EFCAB11: variants seen among roughly 807,000 people sequenced by gnomAD.
The protein encoded by EFCAB11 is EF-hand calcium binding domain 11.
Under a neutral mutation model 23.0 loss-of-function variants are expected in EFCAB11, and 14 were observed. That is an observed-to-expected ratio of 0.61 (90% CI 0.40 to 0.95). EFCAB11 has a LOEUF of 0.95. EFCAB11 is among the 40% of genes least tolerant of loss of function. The probability of loss-of-function intolerance (pLI) is 0.00; values close to 1 mark genes in which losing one functional copy is unlikely to be tolerated. For missense variants in EFCAB11, 198 were observed against 195.8 expected (o/e 1.01, Z -0.07); for synonymous variants, 65 against 66.6 (o/e 0.98, Z 0.11).
chr14:89,890,421 T>A (rs945433270), intron 5 of EFCAB11, among the ~76,000 whole-genome samples: 2 of 152,216 alleles, frequency 1.3e-5, no homozygotes, highest in African/African-American at 4.8e-5. Flanking sequence ...TAGAAATGCA[T>A]TACTGATTTT....
At chr14:89,879,181 T>C (rs1159933287) in intron 5 of EFCAB11, among the ~76,000 whole-genome samples, 1 of 152,092 alleles carries the variant, frequency 6.6e-6, no homozygotes, top group Non-Finnish European at 1.5e-5. Context: ...TCTTACATCA[T>C]ATGACTATTT....
intron 5 of EFCAB11, among the ~76,000 whole-genome samples, chr14:89,847,751 AAAAAAAAAG>A (rs1328165614): frequency 1.4e-5 from 2 of 144,496 alleles, no homozygotes; most frequent in Non-Finnish European, 3.1e-5. Context: ...CAAAAAAAAA[AAAAAAAAAG>A]AAAGAAAGAA....
intron 2 of EFCAB11, among the ~76,000 whole-genome samples, chr14:89,950,916 T>G (rs982781210): frequency 1.1e-4 from 17 of 152,084 alleles, no homozygotes; most frequent in African/African-American, 4.1e-4. Flanking sequence ...TAAATGCTTG[T>G]ATTCCCTAAC....
intron 5 of EFCAB11, among the ~76,000 whole-genome samples, chr14:89,819,407 A>T (rs1051458931): frequency 6.6e-6 from 1 of 151,864 alleles, no homozygotes; most frequent in African/African-American, 2.4e-5. Context: ...AAAGGGATAC[A>T]AAGAAACTTT....
chr14:89,868,530 C>T (rs2140159650), intron 5 of EFCAB11, among the ~76,000 whole-genome samples: 1 of 152,272 alleles, frequency 6.6e-6, no homozygotes, highest in East Asian at 1.9e-4. Flanking sequence ...AAAAAGCTCT[C>T]CTAAAAAGAT....
At chr14:89,834,155 C>T (rs1303983070) in intron 5 of EFCAB11, among the ~76,000 whole-genome samples, 10 of 150,826 alleles carry the variant, frequency 6.6e-5, no homozygotes, top group Non-Finnish European at 1.3e-4. Context: ...GAGATAGAGA[C>T]CACAAGGTCA....
chr14:89,954,315 C>A, intron 1 of EFCAB11: 1 of 1,530,566 alleles, frequency 6.5e-7, no homozygotes, highest in East Asian at 2.4e-5. Context: ...GGCAAAGGGG[C>A]TGGCTTTGAA....
intron 5 of EFCAB11, chr14:89,836,461 G>A: frequency 4.6e-6 from 2 of 432,052 alleles, no homozygotes; most frequent in South Asian, 3.3e-5. Context: ...GCCCAGAGTG[G>A]TTGTTTGAAG....
At chr14:89,839,135 G>A (rs148511244) in intron 5 of EFCAB11, among the ~76,000 whole-genome samples, 276 of 152,266 alleles carry the variant, frequency 1.8e-3, no homozygotes, top group African/African-American at 6.4e-3. Flanking sequence ...AATGGACTCC[G>A]AACAGCACTG....
At chr14:89,807,745 A>G (rs768166571) in intron 5 of EFCAB11, among the ~76,000 whole-genome samples, 1 of 152,206 alleles carries the variant, frequency 6.6e-6, no homozygotes, top group Non-Finnish European at 1.5e-5. Flanking sequence ...ACATGATAGA[A>G]GGACTGTAGA....
chr14:89,908,126 T>A (rs1276180359), intron 5 of EFCAB11, among the ~76,000 whole-genome samples: 1 of 152,220 alleles, frequency 6.6e-6, no homozygotes, highest in Non-Finnish European at 1.5e-5. Flanking sequence ...TCAAGATTAA[T>A]ACCCATTTGT....
intron 3 of EFCAB11, among the ~76,000 whole-genome samples, chr14:89,941,244 C>T (rs1194929730): frequency 6.6e-6 from 1 of 152,162 alleles, no homozygotes; most frequent in Non-Finnish European, 1.5e-5. Flanking sequence ...GTTCTGGATG[C>T]TAGGTAGTCC....
rs566283481 is a variant in EFCAB11 at position 89,904,068 on chromosome 14, GCTGCACCCATCAACTCGTCATTTA to G, written c.410+27449_410+27472del. On this transcript the variant is annotated intron_variant, in intron 5 of 5. Transcript: ENST00000316738. ...AGGTATACATGTGCCATGTTGGTTT[GCTGCACCCATCAACTCGTCATTTA>G]CATTAGGTATTTATCCTAATGCTAT... Among the ~76,000 whole-genome samples, 72 of 152,102 alleles carry G rather than the reference GCTGCACCCATCAACTCGTCATTTA, an allele frequency of 4.7e-4. No homozygotes were observed. In the South Asian group the frequency reaches 0.014, roughly 29 times the overall value.
At chr14:89,934,210 A>G (rs1482945809) in intron 3 of EFCAB11, among the ~76,000 whole-genome samples, 6 of 152,204 alleles carry the variant, frequency 3.9e-5, no homozygotes, top group African/African-American at 1.4e-4. Context: ...TGATAAAAGG[A>G]CGGAGGTGGG....
At chr14:89,947,230 T>A (rs1188940661) in intron 3 of EFCAB11, among the ~76,000 whole-genome samples, 1 of 152,168 alleles carries the variant, frequency 6.6e-6, no homozygotes, top group Non-Finnish European at 1.5e-5. Flanking sequence ...TTTGGAAGTT[T>A]TAAATTATTC....
intron 5 of EFCAB11, among the ~76,000 whole-genome samples, chr14:89,820,706 A>G (rs1199625562): frequency 6.6e-6 from 1 of 152,058 alleles, no homozygotes; most frequent in Non-Finnish European, 1.5e-5. Context: ...GCAGCCTCTT[A>G]TTTGCTATTC....
intron 5 of EFCAB11, among the ~76,000 whole-genome samples, chr14:89,815,643 C>T (rs1886311712): frequency 6.6e-6 from 1 of 152,062 alleles, no homozygotes; most frequent in South Asian, 2.1e-4. Flanking sequence ...CCAGGATGGT[C>T]TCGAACTCCT....
intron 3 of EFCAB11, among the ~76,000 whole-genome samples, chr14:89,937,775 C>T (rs895632305): frequency 2.0e-5 from 3 of 152,148 alleles, no homozygotes; most frequent in African/African-American, 4.8e-5. Context: ...CCGTCTGCCT[C>T]GGCCTCATAA....
chr14:89,797,723 G>C (rs950517610), intron 5 of EFCAB11, among the ~76,000 whole-genome samples: 5 of 152,180 alleles, frequency 3.3e-5, no homozygotes, highest in African/African-American at 1.2e-4. Context: ...CCTGAGGTCA[G>C]GAGTTCTAGA....
Sources: allele counts gnomAD v4.1 joint callset (sites outside exome capture counted in the v4.1 genomes callset), GRCh38; gene constraint gnomAD v4.1.1; transcripts MANE v1.5; gene names NCBI Gene and HGNC (gene_info 2026-07-23, HGNC 2026-07-21).